Variants in CRISPLD2 observed in about 807,000 individuals in gnomAD.
CRISPLD2 encodes the protein cysteine rich secretory protein LCCL domain containing 2.
A neutral mutation model predicts 71.1 loss-of-function variants in CRISPLD2; 47 were observed. That is an observed-to-expected ratio of 0.66 (90% CI 0.52 to 0.84). The LOEUF is 0.84. Ranked by LOEUF, CRISPLD2 falls within the 40% of genes least tolerant of loss-of-function variation. CRISPLD2 has a pLI of 0.00. For missense variants in CRISPLD2, 830 were observed against 651.1 expected (o/e 1.27, Z -2.99); for synonymous variants, 317 against 250.1 (o/e 1.27, Z -2.52).
intron 6 of CRISPLD2, among the ~76,000 whole-genome samples, chr16:84,856,781 A>G (rs146089174): frequency 5.3e-5 from 8 of 152,296 alleles, no homozygotes; most frequent in African/African-American, 1.7e-4. Flanking sequence ...CTGCTTCAGA[A>G]TGTTGGGGAA....
intron 14 of CRISPLD2, among the ~76,000 whole-genome samples, chr16:84,892,162 G>A (rs2071668454): frequency 6.6e-6 from 1 of 152,164 alleles, no homozygotes; most frequent in Non-Finnish European, 1.5e-5. Context: ...GAGGTCTCCA[G>A]GTGGGGTCCC....
At chr16:84,901,756 G>A (rs947358821) in intron 14 of CRISPLD2, among the ~76,000 whole-genome samples, 1 of 145,938 alleles carries the variant, frequency 6.9e-6, no homozygotes, top group Non-Finnish European at 1.5e-5. Context: ...GGGATTATAG[G>A]CGTGAGCCAC....
intron 1 of CRISPLD2, among the ~76,000 whole-genome samples, chr16:84,837,357 C>T (rs1916645882): frequency 6.6e-6 from 1 of 151,800 alleles, no homozygotes; most frequent in Non-Finnish European, 1.5e-5. Context: ...TTCAGCATCT[C>T]TGCTTACCAG....
At chr16:84,858,546 C>T (rs1282568508) in intron 6 of CRISPLD2, among the ~76,000 whole-genome samples, 3 of 152,246 alleles carry the variant, frequency 2.0e-5, no homozygotes, top group Non-Finnish European at 4.4e-5. Context: ...CTCTGGCACA[C>T]AAATGTCTCA....
At chr16:84,848,707 C>T (rs557952584) in intron 3 of CRISPLD2, among the ~76,000 whole-genome samples, 11 of 152,290 alleles carry the variant, frequency 7.2e-5, no homozygotes, top group African/African-American at 2.6e-4. Flanking sequence ...TCCCAAAGTG[C>T]TGGGATGACA....
chr16:84,872,933 T>C, intron 9 of CRISPLD2, 59 bp from the exon 10 acceptor site: 1 of 1,550,558 alleles, frequency 6.4e-7, no homozygotes, highest in South Asian at 1.2e-5. Flanking sequence ...GTATTTCTGG[T>C]GAAACTTGCT....
At position 84,906,861 on chromosome 16, in the gene CRISPLD2, C is replaced by T; in HGVS notation, c.*219C>T. 1 of 633,024 alleles carries T rather than the reference C, an allele frequency of 1.6e-6. No homozygotes were observed. The highest frequency in any genetic ancestry group is 2.8e-6 in the Non-Finnish European group (1 of 353,148). 39.2% of individuals were successfully genotyped at this position (633,024 alleles called of 1,614,324 possible). On this transcript the variant is annotated 3_prime_UTR_variant, in exon 15 of 15. Coordinates refer to ENST00000262424, the MANE Select transcript of CRISPLD2 (RefSeq NM_031476.4). The stretch of plus-strand genomic sequence containing the variant: ...TCAGCCGGACTCCCTGGTGCCTGAT[C>T]CTGCTGGGGCCTGGGGGTCTCCATC...
At chr16:84,880,653 G>T in intron 13 of CRISPLD2, 69 bp downstream of exon 13, 1 of 1,164,452 alleles carries the variant, frequency 8.6e-7, no homozygotes, top group Non-Finnish European at 1.3e-6. Context: ...CAAGCTCCAA[G>T]ATCTGGATAC....
intron 11 of CRISPLD2, among the ~76,000 whole-genome samples, chr16:84,874,913 A>C (rs1267793577): frequency 6.6e-6 from 1 of 152,200 alleles, no homozygotes; most frequent in Non-Finnish European, 1.5e-5. Flanking sequence ...AAATGGAGTT[A>C]CATACAATTT....
intron 2 of CRISPLD2, among the ~76,000 whole-genome samples, chr16:84,843,444 A>G (rs1318304482): frequency 6.6e-6 from 1 of 152,238 alleles, no homozygotes; most frequent in East Asian, 1.9e-4. Context: ...AGAGTTGAGC[A>G]GCCCGTTCTG....
intron 14 of CRISPLD2, among the ~76,000 whole-genome samples, chr16:84,890,231 C>T (rs1177143686): frequency 6.6e-6 from 1 of 152,150 alleles, no homozygotes; most frequent in Non-Finnish European, 1.5e-5. Context: ...TGGTGGCACA[C>T]GCCTGTAGTC....
chr16:84,879,603 C>G (rs956733664), intron 12 of CRISPLD2, among the ~76,000 whole-genome samples: 2 of 152,104 alleles, frequency 1.3e-5, no homozygotes, highest in African/African-American at 2.4e-5. Context: ...CTCAGGTGAT[C>G]CACCCACCTC....
intron 1 of CRISPLD2, chr16:84,829,010 G>A (rs1295576962): frequency 1.3e-5 from 2 of 152,212 alleles, no homozygotes; most frequent in African/African-American, 4.8e-5. Flanking sequence ...AGGAGGCAGA[G>A]GTTCCAGTGA....
chr16:84,832,550 C>T (rs1012178486), intron 1 of CRISPLD2, among the ~76,000 whole-genome samples: 1 of 152,262 alleles, frequency 6.6e-6, no homozygotes, highest in African/African-American at 2.4e-5. Context: ...TGAACGAGAC[C>T]CGCAGGTCTG....
chr16:84,897,896 C>G (rs1020081481), intron 14 of CRISPLD2, among the ~76,000 whole-genome samples: 2 of 152,192 alleles, frequency 1.3e-5, no homozygotes, highest in African/African-American at 4.8e-5. Flanking sequence ...GGATTACAGG[C>G]GTGAGCTACC....
intron 13 of CRISPLD2, among the ~76,000 whole-genome samples, chr16:84,882,425 T>C (rs2071577153): frequency 1.3e-5 from 2 of 152,110 alleles, no homozygotes; most frequent in Admixed American, 6.6e-5. Flanking sequence ...TTTTCTTTTT[T>C]TGAGACAAGA....
chr16:84,880,718 A>T, intron 13 of CRISPLD2, 134 bp downstream of exon 13: 1 of 592,380 alleles, frequency 1.7e-6, no homozygotes. Context: ...TTAATTAATT[A>T]ATTTCGAGAT....
At chr16:84,845,451 T>C (rs1053900785) in intron 2 of CRISPLD2, among the ~76,000 whole-genome samples, 5 of 152,234 alleles carry the variant, frequency 3.3e-5, no homozygotes, top group Non-Finnish European at 5.9e-5. Flanking sequence ...AGATGGCTGC[T>C]GACCTTCCCT....
chr16:84,870,364 G>C (rs963535562), intron 8 of CRISPLD2, among the ~76,000 whole-genome samples: 2 of 151,356 alleles, frequency 1.3e-5, no homozygotes, highest in African/African-American at 4.9e-5. Context: ...CTGTCACCCA[G>C]GCTGAAGTGC....
Sources: gnomAD v4.1 joint callset for allele counts (sites outside exome capture counted in the v4.1 genomes callset) on GRCh38, gnomAD v4.1.1 for gene constraint, MANE v1.5 for transcripts, NCBI Gene and HGNC (gene_info 2026-07-23, HGNC 2026-07-21) for gene names.